Variants in EBF2 observed in about 807,000 individuals in gnomAD.
EBF2 encodes transcription factor COE2.
EBF2 carries 21 observed loss-of-function variants against 72.8 expected under a neutral mutation model. That is an observed-to-expected ratio of 0.29 (90% CI 0.20 to 0.42). The LOEUF is 0.42. Among genes scored for constraint, EBF2 ranks in the 10% least tolerant of loss-of-function variants. The pLI is 1.00. For missense variants in EBF2, 637 were observed against 731.2 expected (o/e 0.87, Z 1.49); for synonymous variants, 299 against 274.2 (o/e 1.09, Z -0.89).
rs755612365 is a variant in EBF2, at chr8:26,044,695, A to C, written c.131+34T>G. The C allele has an allele frequency of 1.9e-6, 3 of 1,608,908 alleles. No homozygotes were observed. The highest frequency in any genetic ancestry group is 2.6e-6 in the Non-Finnish European group (3 of 1,176,302). On this transcript the variant is annotated intron_variant, in intron 1 of 15. Coordinates refer to ENST00000520164, the MANE Select transcript of EBF2 (RefSeq NM_022659.4). The surrounding 1 kb of genome is among the most constrained non-coding windows in gnomAD (Gnocchi z 4.1). ...CGGAGAGACAGACCGTAAGAGCGAG[A>C]GACAGCATAATAATTGCGCGGCCGT... is the stretch of plus-strand genomic sequence containing the variant.
At chr8:25,909,397 C>A (rs1374886082) in intron 6 of EBF2, among the ~76,000 whole-genome samples, 1 of 125,488 alleles carries the variant, frequency 8.0e-6, no homozygotes, top group Non-Finnish European at 1.7e-5. Flanking sequence ...CTTGCAGAGT[C>A]CTTTCCCTTA....
At chr8:25,848,385 A>G (rs1585255095) in intron 15 of EBF2, among the ~76,000 whole-genome samples, 1 of 152,102 alleles carries the variant, frequency 6.6e-6, no homozygotes, top group Non-Finnish European at 1.5e-5. Flanking sequence ...GTGGCTGGGG[A>G]CCCTGGAGAG....
chr8:26,040,194 C>G, intron 4 of EBF2, 93 bp from the exon 5 acceptor site: 1 of 1,310,050 alleles, frequency 7.6e-7, no homozygotes, highest in Non-Finnish European at 1.1e-6. Flanking sequence ...CATCGCTTTC[C>G]CTCCCACTAC....
intron 6 of EBF2, among the ~76,000 whole-genome samples, chr8:26,000,970 A>G (rs910173931): frequency 1.3e-5 from 2 of 152,210 alleles, no homozygotes; most frequent in Non-Finnish European, 2.9e-5. Context: ...TGGCGCAAAA[A>G]TCAAACCTAC....
chr8:25,943,389 A>T (rs1803713259), intron 6 of EBF2, among the ~76,000 whole-genome samples: 1 of 151,814 alleles, frequency 6.6e-6, no homozygotes, highest in Admixed American at 6.6e-5. Flanking sequence ...GCATACCTGT[A>T]GTTCCAGCTA....
At position 25,846,739 on chromosome 8, in the gene EBF2, C is replaced by T. The variant is rs1198430157; in HGVS notation, c.1697-2099G>A. On this transcript the variant is annotated intron_variant, in intron 15 of 15. Transcript: ENST00000520164. Reference sequence around the variant, plus strand: ...CTTTTTCTGGGTGCTCAGAGAGATACCAAAGGGGCTCATGTAACAGCAGAG... The same window carrying T: ...CTTTTTCTGGGTGCTCAGAGAGATATCAAAGGGGCTCATGTAACAGCAGAG... Among the ~76,000 whole-genome samples the T allele has an allele frequency of 2.6e-5, 4 of 151,986 alleles. No homozygotes were observed. The East Asian group carries it at 7.7e-4, about 29-fold the overall frequency.
intron 7 of EBF2, among the ~76,000 whole-genome samples, chr8:25,907,539 T>G (rs1803057357): frequency 6.6e-6 from 1 of 151,542 alleles, no homozygotes; most frequent in Non-Finnish European, 1.5e-5. Context: ...TGGAAAGAGT[T>G]TGATCAAACA....
rs567508715 is a variant in EBF2 at position 25,844,429 on chromosome 8, C to G, written c.*180G>C. 4.9e-6 allele frequency: 3 copies of G among 614,934 alleles called. No homozygotes were observed. Among genetic ancestry groups the G allele is most frequent in the Non-Finnish European group, 8.6e-6 (3 of 348,362 alleles). The allele number at this position is 614,934 out of a possible 1,614,324, so 38.1% of individuals were successfully genotyped here. On this transcript the variant is annotated 3_prime_UTR_variant, in exon 16 of 16. Transcript: ENST00000520164. The stretch of plus-strand genomic sequence containing the variant: ...GTCCCAAGAGGGTCAGTTTGTGTAG[C>G]CACCATCAGAGCTATAGGAGGACGT...
At chr8:25,978,978 C>T (rs1804314086) in intron 6 of EBF2, among the ~76,000 whole-genome samples, 1 of 152,160 alleles carries the variant, frequency 6.6e-6, no homozygotes, top group Admixed American at 6.5e-5. Flanking sequence ...ACGGGCTGCT[C>T]AAACCACGCA....
In EBF2 at chr8:25,874,724, C is replaced by T. The variant is rs577678578; in HGVS notation, c.1010-11927G>A. ...TTTAAGAAACAAGGTTTCCCTCTGT[C>T]GCCCAGGCTGGAGTACAGTAGTGCA... On this transcript the variant is annotated intron_variant, in intron 10 of 15. Coordinates refer to ENST00000520164, the MANE Select transcript of EBF2 (RefSeq NM_022659.4). 6.3e-4 allele frequency among the ~76,000 whole-genome samples: 96 copies of T among 152,108 alleles called. 1 individual carries two copies. The highest frequency in any genetic ancestry group is 1.0e-3 in the Non-Finnish European group (70 of 68,010).
chr8:26,005,293 A>AT (rs1378946857), intron 6 of EBF2, among the ~76,000 whole-genome samples: 321 of 2,324 alleles, frequency 0.14, 41 homozygotes, highest in Non-Finnish European at 0.2. Flanking sequence ...ATAATTATAT[A>AT]ATTATATATA....
At chr8:26,001,044 T>A (rs1585222071) in intron 6 of EBF2, among the ~76,000 whole-genome samples, 1 of 152,296 alleles carries the variant, frequency 6.6e-6, no homozygotes, top group East Asian at 1.9e-4. Context: ...AGCAAATGAC[T>A]CCTAGCATGG....
chr8:26,004,946 CA>C, intron 6 of EBF2, among the ~76,000 whole-genome samples: 1 of 151,422 alleles, frequency 6.6e-6, no homozygotes, highest in South Asian at 2.1e-4. Flanking sequence ...TTAATTTCTT[CA>C]TTTATCTAGA....
At chr8:25,955,817 G>A (rs1563412541) in intron 6 of EBF2, among the ~76,000 whole-genome samples, 2 of 152,062 alleles carry the variant, frequency 1.3e-5, no homozygotes, top group Admixed American at 6.6e-5. Flanking sequence ...TCTGTGTTTG[G>A]TGAATATAAG....
chr8:25,929,163 TACTC>T (rs1803438992), intron 6 of EBF2, among the ~76,000 whole-genome samples: 1 of 152,212 alleles, frequency 6.6e-6, no homozygotes, highest in African/African-American at 2.4e-5. Flanking sequence ...TTCATTTAAA[TACTC>T]ACGACAGTCC....
intron 2 of EBF2, among the ~76,000 whole-genome samples, chr8:26,041,740 T>C (rs566465070): frequency 6.6e-6 from 1 of 152,318 alleles, no homozygotes; most frequent in African/African-American, 2.4e-5. Context: ...CACCTGGCTC[T>C]CGCAGGTGCA....
At chr8:25,972,109 T>A (rs1804200100) in intron 6 of EBF2, among the ~76,000 whole-genome samples, 1 of 152,150 alleles carries the variant, frequency 6.6e-6, no homozygotes, top group Non-Finnish European at 1.5e-5. Context: ...TTCCCCGGAA[T>A]GCAAAGGGAA....
At chr8:25,999,820 A>T (rs1295359913) in intron 6 of EBF2, among the ~76,000 whole-genome samples, 1 of 151,502 alleles carries the variant, frequency 6.6e-6, no homozygotes, top group East Asian at 1.9e-4. Context: ...CTATTTCCTC[A>T]TCGTTTTCTT....
At chr8:25,949,889 A>G (rs927866005) in intron 6 of EBF2, among the ~76,000 whole-genome samples, 4 of 152,208 alleles carry the variant, frequency 2.6e-5, no homozygotes, top group African/African-American at 9.7e-5. Flanking sequence ...ACCACACAGG[A>G]TGACAGTTTT....
Sources: gnomAD v4.1 joint callset for allele counts (sites outside exome capture counted in the v4.1 genomes callset) on GRCh38, gnomAD v4.1.1 for gene constraint, Gnocchi (gnomAD v3.1) non-coding constraint, MANE v1.5 for transcripts, NCBI Gene and HGNC (gene_info 2026-07-23, HGNC 2026-07-21) for gene names.